The following TUB variants were observed in gnomAD, a reference collection of about 807,000 sequenced individuals.
The protein encoded by TUB is TUB bipartite transcription factor.
TUB carries 33 observed loss-of-function variants against 59.7 expected under a neutral mutation model. The ratio of observed to expected loss-of-function variants is 0.55; its 90% CI spans 0.42 to 0.74. The LOEUF is 0.74. TUB is among the 30% of genes least tolerant of loss of function. The probability of loss-of-function intolerance (pLI) is 0.00; values close to 1 mark genes in which losing one functional copy is unlikely to be tolerated. For synonymous variants in TUB, 293 were observed against 256.4 expected (o/e 1.14, Z -1.36); for missense variants, 659 against 672.0 (o/e 0.98, Z 0.21).
At chr11:8,096,461 C>T (rs972846851) in intron 5 of TUB, among the ~76,000 whole-genome samples, 5 of 152,108 alleles carry the variant, frequency 3.3e-5, no homozygotes, top group South Asian at 2.1e-4. Flanking sequence ...TGGCCAGCCC[C>T]GGCTCATGTG....
chr11:8,105,329 A>AGAGTT lies in TUB; in HGVS notation c.*3712_*3716dup, dbSNP rs1217424913. ...CCTGAATGACCTGCAGTCAGGGCCC[A>AGAGTT]GAGTTGGGACTCTATACTACCCTGG... On this transcript the variant is annotated 3_prime_UTR_variant, in exon 12 of 12. Transcript: ENST00000299506. The AGAGTT allele has an allele frequency of 6.6e-6, 1 of 152,222 alleles. No homozygotes were observed. Among genetic ancestry groups the AGAGTT allele is most frequent in the African/African-American group, 2.4e-5 (1 of 41,450 alleles). The allele number at this position is 152,222 out of a possible 1,614,324, so 9.4% of individuals were successfully genotyped here. A position where few individuals can be genotyped will look rare whatever the true frequency, so the allele number is the denominator to read the frequency against.
chr11:8,023,693 CT>C (rs1942463107), intron 1 of TUB, among the ~76,000 whole-genome samples: 1 of 152,232 alleles, frequency 6.6e-6, no homozygotes, highest in Non-Finnish European at 1.5e-5. Context: ...GCCAAACGGA[CT>C]CCTCAAAACT....
chr11:8,039,119 T>C, intron 1 of TUB: 2 of 1,451,950 alleles, frequency 1.4e-6, no homozygotes, highest in South Asian at 1.4e-5. Flanking sequence ...CCCTTTACAG[T>C]CCCAAGGCCT....
At chr11:8,084,718 C>T (rs537677785) in intron 1 of TUB, among the ~76,000 whole-genome samples, 4 of 152,184 alleles carry the variant, frequency 2.6e-5, no homozygotes, top group Non-Finnish European at 5.9e-5. Context: ...AGTGGCATCC[C>T]GGGATAGCCT....
chr11:8,098,729 A>C, intron 8 of TUB, 29 bp from the exon 9 acceptor site: 1 of 1,536,860 alleles, frequency 6.5e-7, no homozygotes, highest in Middle Eastern at 1.8e-4. Context: ...AGGGTGCATG[A>C]CTCTATACTG....
At chr11:8,086,046 TGGCTTTCCTGAGCCTCCCTGTTCA>T (rs1441605345) in intron 1 of TUB, among the ~76,000 whole-genome samples, 1 of 152,160 alleles carries the variant, frequency 6.6e-6, no homozygotes, top group African/African-American at 2.4e-5. Context: ...CATGAGCCAG[TGGCTTTCCTGAGCCTCCCTGTTCA>T]GGCCCCCAGC....
At chr11:8,033,425 C>G (rs1292412043) in intron 1 of TUB, among the ~76,000 whole-genome samples, 2 of 152,228 alleles carry the variant, frequency 1.3e-5, no homozygotes, top group African/African-American at 2.4e-5. Flanking sequence ...CGCCCAGTTT[C>G]AGCCTGAAGA....
chr11:8,025,113 G>A (rs76730533), intron 1 of TUB, among the ~76,000 whole-genome samples: 50 of 152,282 alleles, frequency 3.3e-4, no homozygotes, highest in Non-Finnish European at 5.4e-4. Flanking sequence ...CTGTGGTCTC[G>A]TAGTTCTTAC....
chr11:8,044,774 G>A (rs1942804531), intron 2 of TUB, among the ~76,000 whole-genome samples: 1 of 152,158 alleles, frequency 6.6e-6, no homozygotes, highest in Non-Finnish European at 1.5e-5. Context: ...GGGTTCCTAG[G>A]ACCCCTGCTC....
upstream of TUB, among the ~76,000 whole-genome samples, chr11:8,079,691 T>C (rs1564912903): frequency 6.6e-6 from 1 of 151,860 alleles, no homozygotes; most frequent in Non-Finnish European, 1.5e-5. Flanking sequence ...TAGGTGTGCG[T>C]GTGTGTGTGC....
chr11:8,091,929 C>G (rs927929407), intron 3 of TUB, among the ~76,000 whole-genome samples: 2 of 152,246 alleles, frequency 1.3e-5, no homozygotes, highest in African/African-American at 2.4e-5. Context: ...CCAGCTCTGC[C>G]AAGCCTGGCA....
intron 1 of TUB, chr11:8,039,455 CG>C: frequency 2.1e-6 from 1 of 483,920 alleles, no homozygotes. Context: ...GCCTGCCATC[CG>C]GGGCCCACAG....
At chr11:8,021,154 G>T (rs1554919114) in intron 1 of TUB, among the ~76,000 whole-genome samples, 1 of 152,222 alleles carries the variant, frequency 6.6e-6, no homozygotes, top group Admixed American at 6.5e-5. Flanking sequence ...TCTTGGGGAA[G>T]TGTTGTGAGT....
At chr11:8,070,749 G>C (rs995280127) in intron 2 of TUB, among the ~76,000 whole-genome samples, 1 of 152,192 alleles carries the variant, frequency 6.6e-6, no homozygotes, top group Non-Finnish European at 1.5e-5. Flanking sequence ...AGACCCAAAA[G>C]TCTGCAAAGG....
At chr11:8,096,914 C>T in intron 6 of TUB, 108 bp downstream of exon 6, 1 of 1,339,912 alleles carries the variant, frequency 7.5e-7, no homozygotes, top group Non-Finnish European at 1.1e-6. Flanking sequence ...AGCTTCTCTG[C>T]TGGCCTCTTA....
chr11:8,042,642 C>T (rs1289574196), intron 2 of TUB, among the ~76,000 whole-genome samples: 1 of 152,044 alleles, frequency 6.6e-6, no homozygotes, highest in Non-Finnish European at 1.5e-5. Flanking sequence ...TATAGTCATC[C>T]TAGTAAGTGT....
At chr11:8,089,701 G>C (rs1204436867) in intron 2 of TUB, 40 bp downstream of exon 2, 2 of 1,613,166 alleles carry the variant, frequency 1.2e-6, no homozygotes, top group Admixed American at 1.7e-5. Flanking sequence ...AAGAGTCTGG[G>C]CTGGGATCTC....
intron 2 of TUB, among the ~76,000 whole-genome samples, chr11:8,058,534 A>G (rs1943061753): frequency 6.6e-6 from 1 of 152,232 alleles, no homozygotes; most frequent in South Asian, 2.1e-4. Flanking sequence ...GGGAAAAAAT[A>G]CTACTAATGC....
At chr11:8,033,944 G>A (rs998784570), upstream of TUB, among the ~76,000 whole-genome samples, 2 of 152,248 alleles carry the variant, frequency 1.3e-5, no homozygotes, top group African/African-American at 2.4e-5. Context: ...GGGCTGAAAC[G>A]CACCGCAGGG....
Sources: gnomAD v4.1 joint callset for allele counts (sites outside exome capture counted in the v4.1 genomes callset) on GRCh38, gnomAD v4.1.1 for gene constraint, MANE v1.5 for transcripts, NCBI Gene and HGNC (gene_info 2026-07-23, HGNC 2026-07-21) for gene names.